Variants in PMM2 observed in about 807,000 individuals in gnomAD.
PMM2 encodes mannose-6-phosphate isomerase.
In PMM2, 35 loss-of-function variants were observed where a neutral mutation model predicts 33.2. The observed-to-expected ratio is 1.06, with a 90% CI of 0.81 to 1.40. The LOEUF (loss-of-function observed/expected upper bound fraction) is 1.40, where lower values mean the gene tolerates loss of function less well. Ranked by LOEUF, PMM2 falls within the 40% of genes most tolerant of loss-of-function variation. The pLI is 0.00. For missense variants in PMM2, 386 were observed against 306.0 expected (o/e 1.26, Z -1.95); for synonymous variants, 153 against 114.7 (o/e 1.33, Z -2.13).
At chr16:8,817,031 G>A (rs149274389) in intron 7 of PMM2, among the ~76,000 whole-genome samples, 2 of 152,126 alleles carry the variant, frequency 1.3e-5, no homozygotes, top group African/African-American at 2.4e-5. Flanking sequence ...CAATTGTCCC[G>A]CTTCAGCCTC....
rs552664891 is a variant in PMM2 at position 8,841,197 on chromosome 16, A to G, written c.640-6527A>G. Reference sequence around the variant, plus strand: ...GGACTGTAAGGGATATGAAGGTTCCACTGAATACTAAGAGCCTGAGAAACT... The same window carrying G: ...GGACTGTAAGGGATATGAAGGTTCCGCTGAATACTAAGAGCCTGAGAAACT... On this transcript the variant is annotated intron_variant, in intron 7 of 7. Transcript: ENST00000268261. 1.2e-4 allele frequency among the ~76,000 whole-genome samples: 18 copies of G among 151,214 alleles called. No homozygotes were observed. The East Asian group carries it at 3.3e-3, about 28-fold the overall frequency.
intron 7 of PMM2, among the ~76,000 whole-genome samples, chr16:8,843,681 G>A (rs1364064802): frequency 3.9e-5 from 6 of 152,138 alleles, no homozygotes; most frequent in Non-Finnish European, 2.9e-5. Flanking sequence ...TTCTATTATT[G>A]TACACCTTGA....
At chr16:8,807,285 G>T (rs555140421) in intron 4 of PMM2, among the ~76,000 whole-genome samples, 1 of 152,010 alleles carries the variant, frequency 6.6e-6, no homozygotes, top group South Asian at 2.1e-4. Context: ...GGTGTCAAAG[G>T]CGTGAGCCAC....
rs777608895 is a variant in PMM2 at position 8,801,861 on chromosome 16, G to A, written c.129G>A (p.Val43=). Residue 43 remains valine, a synonymous_variant, in exon 2 of 8, where the codon GTG becomes GTA. Transcript: ENST00000268261. ...QKLRQKIKIG[V]VGGSDFEKVQ... ...TGAGGCAGAAGATCAAAATCGGAGT[G>A]GTAGGCGGATCGGACTTTGAGAAAG... 1.9e-6 allele frequency: 3 copies of A among 1,612,438 alleles called. No homozygotes were observed. Among genetic ancestry groups the A allele is most frequent in the East Asian group, 4.5e-5 (2 of 44,794 alleles).
Position 8,849,024 on chromosome 16 carries a change from T to C in PMM2, c.*1199T>C, listed in dbSNP as rs140703582. 42 of 152,336 alleles carry C rather than the reference T, an allele frequency of 2.8e-4. No homozygotes were observed. The highest frequency in any genetic ancestry group is 8.9e-4 in the African/African-American group (37 of 41,574). The allele number at this position is 152,336 out of a possible 1,614,324, so 9.4% of individuals were successfully genotyped here. On this transcript the variant is annotated 3_prime_UTR_variant, in exon 8 of 8. Transcript: ENST00000268261. ...ACCCTCCATTGCTTGGTGCTGGGGT[T>C]GTGTGGCCTCCACTGGGCACTTGCC...
At chr16:8,837,051 C>T (rs2060853473) in intron 7 of PMM2, among the ~76,000 whole-genome samples, 1 of 151,904 alleles carries the variant, frequency 6.6e-6, no homozygotes, top group Non-Finnish European at 1.5e-5. Context: ...GAACCTAGCT[C>T]AGCCTGGCGA....
At chr16:8,827,740 A>ATGCACACATT (rs2060778936) in intron 7 of PMM2, among the ~76,000 whole-genome samples, 2 of 33,192 alleles carry the variant, frequency 6.0e-5, no homozygotes, top group East Asian at 9.6e-4. Context: ...ATATATATAT[A>ATGCACACATT]TATATATATA....
At chr16:8,832,939 A>AAG in intron 7 of PMM2, 1 of 845,270 alleles carries the variant, frequency 1.2e-6, no homozygotes. Flanking sequence ...CAAGGCGCCC[A>AAG]AGAGCTGTCT....
intron 1 of PMM2, among the ~76,000 whole-genome samples, chr16:8,799,569 G>C (rs1275953337): frequency 6.7e-6 from 1 of 149,418 alleles, no homozygotes; most frequent in Non-Finnish European, 1.5e-5. Flanking sequence ...TTTTTTTTAA[G>C]ACAGAGTCTC....
rs554996817 is a variant in PMM2 at position 8,843,978 on chromosome 16, C to T, written c.640-3746C>T. ...GGAGGGAAAGAAGGAAGATTTGGGA[C>T]GAGTTGCACTGGGCACAGAGACTAG... On this transcript the variant is annotated intron_variant, in intron 7 of 7. Coordinates refer to ENST00000268261, the MANE Select transcript of PMM2 (RefSeq NM_000303.3). Among the ~76,000 whole-genome samples the T allele has an allele frequency of 3.3e-5, 5 of 151,978 alleles. No individual in the cohort carries two copies. The South Asian group carries it at 1.0e-3, about 32-fold the overall frequency.
intron 7 of PMM2, among the ~76,000 whole-genome samples, chr16:8,828,814 T>C (rs2060792953): frequency 6.6e-6 from 1 of 152,162 alleles, no homozygotes; most frequent in Non-Finnish European, 1.5e-5. Flanking sequence ...TGGTTTGCGC[T>C]GTATCTCCAG....
chr16:8,831,444 G>A (rs558074877), intron 7 of PMM2, among the ~76,000 whole-genome samples: 12 of 152,344 alleles, frequency 7.9e-5, no homozygotes, highest in Admixed American at 7.8e-4. Flanking sequence ...GGCTGAGGTG[G>A]GAGGATCGCT....
intron 7 of PMM2, among the ~76,000 whole-genome samples, chr16:8,844,061 A>G (rs2060907923): frequency 6.6e-6 from 1 of 152,194 alleles, no homozygotes; most frequent in African/African-American, 2.4e-5. Flanking sequence ...CTGTTTGCCC[A>G]TTTTACGACA....
intron 7 of PMM2, among the ~76,000 whole-genome samples, chr16:8,840,420 AT>A (rs2060882385): frequency 6.6e-6 from 1 of 151,944 alleles, no homozygotes; most frequent in Non-Finnish European, 1.5e-5. Context: ...AGAGTAGGGC[AT>A]TTATAAGTAG....
chr16:8,835,609 T>A (rs578241964), intron 7 of PMM2, among the ~76,000 whole-genome samples: 5 of 152,188 alleles, frequency 3.3e-5, no homozygotes, highest in African/African-American at 1.2e-4. Context: ...AACAATTTGG[T>A]TGATAACGCG....
At position 8,806,309 on chromosome 16, in the gene PMM2, C is replaced by T. The variant is rs561075568; in HGVS notation, c.256-7C>T. 77 of 1,557,170 alleles carry T rather than the reference C, an allele frequency of 4.9e-5. No homozygotes were observed. In the South Asian group the frequency reaches 8.2e-4, roughly 17 times the overall value. On this transcript the variant is annotated splice_polypyrimidine_tract_variant and splice_region_variant and intron_variant, in intron 3 of 7. Coordinates refer to ENST00000268261, the MANE Select transcript of PMM2 (RefSeq NM_000303.3). ...AATCAAGTAACTCAAGTATTTTCTT[C>T]ATCTAGAATATTCAAAGTCATCTGG...
At chr16:8,847,045 G>A (rs2060930422) in intron 7 of PMM2, among the ~76,000 whole-genome samples, 1 of 152,012 alleles carries the variant, frequency 6.6e-6, no homozygotes, top group Non-Finnish European at 1.5e-5. Context: ...TGTATTTTAA[G>A]TAGAAATGGA....
chr16:8,837,895 T>C (rs547809636), intron 7 of PMM2, among the ~76,000 whole-genome samples: 8 of 152,024 alleles, frequency 5.3e-5, no homozygotes, highest in African/African-American at 9.6e-5. Flanking sequence ...GAGTTTTGAG[T>C]CCACAGATAA....
intron 6 of PMM2, among the ~76,000 whole-genome samples, chr16:8,812,662 A>G (rs1246928936): frequency 6.6e-6 from 1 of 152,208 alleles, no homozygotes; most frequent in Non-Finnish European, 1.5e-5. Context: ...AGACAAGCAC[A>G]GCAGAATGAG....
Sources: gnomAD v4.1 joint callset for allele counts (sites outside exome capture counted in the v4.1 genomes callset) on GRCh38, gnomAD v4.1.1 for gene constraint, MANE v1.5 for transcripts, NCBI Gene and HGNC (gene_info 2026-07-23, HGNC 2026-07-21) for gene names.